PPP2R2B: variants seen among roughly 807,000 people sequenced by gnomAD.
The protein encoded by PPP2R2B is protein phosphatase 2 regulatory subunit Bbeta.
Under a neutral mutation model 46.0 loss-of-function variants are expected in PPP2R2B, and 5 were observed. The observed-to-expected ratio is 0.11, with a 90% confidence interval of 0.06 to 0.23. The LOEUF (loss-of-function observed/expected upper bound fraction) is 0.23. Among genes scored for constraint, PPP2R2B ranks in the 10% least tolerant of loss-of-function variants. The pLI, the probability that PPP2R2B is intolerant of heterozygous loss-of-function variation, is 1.00. For missense variants in PPP2R2B, 367 were observed against 575.0 expected (o/e 0.64, Z 3.70); for synonymous variants, 215 against 206.7 (o/e 1.04, Z -0.34).
At chr5:147,052,618 T>A (rs770281342) in intron 1 of PPP2R2B, among the ~76,000 whole-genome samples, 1 of 152,072 alleles carries the variant, frequency 6.6e-6, no homozygotes, top group Admixed American at 6.5e-5. Context: ...CAAAAGTCTA[T>A]GGTGGAAGGG....
intron 2 of PPP2R2B, among the ~76,000 whole-genome samples, chr5:146,815,009 T>C (rs1437124411): frequency 1.3e-5 from 2 of 152,182 alleles, no homozygotes; most frequent in Admixed American, 1.3e-4. Context: ...TCTGGTAACA[T>C]ACTTTGGTGC....
chr5:146,639,029 T>G (rs1775017717), intron 6 of PPP2R2B, among the ~76,000 whole-genome samples: 1 of 152,222 alleles, frequency 6.6e-6, no homozygotes. Context: ...CTCTATATAA[T>G]TAGCGTTTTC....
intron 2 of PPP2R2B, among the ~76,000 whole-genome samples, chr5:146,770,330 C>CAAAAAAA (rs5871992): frequency 1.5e-4 from 9 of 60,058 alleles, no homozygotes; most frequent in Non-Finnish European, 1.6e-4. Context: ...GATTCCGTCT[C>CAAAAAAA]AAAAAAAAAA....
intron 1 of PPP2R2B, among the ~76,000 whole-genome samples, chr5:147,040,073 C>A (rs1040931992): frequency 6.6e-6 from 1 of 152,104 alleles, no homozygotes; most frequent in Non-Finnish European, 1.5e-5. Flanking sequence ...TTATAAAAAG[C>A]TAAAATTCAT....
chr5:146,907,644 T>C (rs577197), intron 1 of PPP2R2B, among the ~76,000 whole-genome samples: 75,649 of 152,160 alleles, frequency 0.5, 20,944 homozygotes, highest in East Asian at 0.72. Flanking sequence ...GTTCTCTACT[T>C]GGGAGAAACC....
At chr5:147,051,591 A>C (rs1756820855) in intron 1 of PPP2R2B, among the ~76,000 whole-genome samples, 1 of 152,082 alleles carries the variant, frequency 6.6e-6, no homozygotes, top group Admixed American at 6.6e-5. Context: ...AGCACGTGGC[A>C]AGTCACAGTA....
intron 2 of PPP2R2B, chr5:146,707,224 T>G: frequency 6.3e-7 from 1 of 1,581,774 alleles, no homozygotes; most frequent in Non-Finnish European, 8.6e-7. Context: ...CCCAGCCGTC[T>G]TCTGCTGCTG....
rs142949894 is a variant in PPP2R2B at position 146,801,331 on chromosome 5, C to A, written c.70+76671G>T. ...AAAGGGCAGATATTAAGTGTTCTTG[C>A]CATATATACACAGAAAAAGAGGCAA... On this transcript the variant is annotated intron_variant, in intron 2 of 9. Transcript: ENST00000394411. 1.3e-3 allele frequency among the ~76,000 whole-genome samples: 193 copies of A among 152,010 alleles called. 1 individual carries two copies. The highest frequency in any genetic ancestry group is 4.3e-3 in the African/African-American group (179 of 41,476).
chr5:146,751,277 C>T (rs1016073534), intron 2 of PPP2R2B: 2 of 152,284 alleles, frequency 1.3e-5, no homozygotes, highest in Non-Finnish European at 2.9e-5. Context: ...CCGGGCATCA[C>T]AGAACATAGC....
At chr5:147,077,195 T>C (rs1433841267) in intron 2 of PPP2R2B, among the ~76,000 whole-genome samples, 2 of 142,036 alleles carry the variant, frequency 1.4e-5, no homozygotes, top group Admixed American at 7.0e-5. Flanking sequence ...GTATATTATA[T>C]ATTATATATG....
intron 5 of PPP2R2B, among the ~76,000 whole-genome samples, chr5:146,684,965 T>C (rs1322342751): frequency 6.6e-6 from 1 of 152,190 alleles, no homozygotes; most frequent in East Asian, 1.9e-4. Flanking sequence ...GAACCAATGA[T>C]TGAATTCATT....
intron 2 of PPP2R2B, among the ~76,000 whole-genome samples, chr5:146,746,602 C>G (rs1299753900): frequency 6.6e-6 from 1 of 152,212 alleles, no homozygotes; most frequent in Non-Finnish European, 1.5e-5. Flanking sequence ...CTCAATTTCT[C>G]ACTACAATTA....
chr5:146,813,953 C>T (rs1757779678), intron 2 of PPP2R2B, among the ~76,000 whole-genome samples: 1 of 152,158 alleles, frequency 6.6e-6, no homozygotes, highest in Admixed American at 6.5e-5. Context: ...GACAACACCA[C>T]ACTCAGGAGA....
At chr5:146,842,451 A>G (rs1406616945) in intron 2 of PPP2R2B, among the ~76,000 whole-genome samples, 1 of 151,686 alleles carries the variant, frequency 6.6e-6, no homozygotes, top group Non-Finnish European at 1.5e-5. Flanking sequence ...GAAAAAAAAA[A>G]GACATACTTC....
chr5:146,588,305 TC>T lies in PPP2R2B; in HGVS notation c.*1641del, dbSNP rs1284506404. On this transcript the variant is annotated 3_prime_UTR_variant, in exon 10 of 10. Transcript: ENST00000394411. ...GTTTTTACCTAAGGTGACAGTTATT[TC>T]CTTGCCAAAAAGCTATTAGTAAATG... 6.6e-6 allele frequency: 1 copy of T among 152,248 alleles called. No homozygotes were observed. Among genetic ancestry groups the T allele is most frequent in the Non-Finnish European group, 1.5e-5 (1 of 68,036 alleles). 9.4% of individuals were successfully genotyped at this position (152,248 alleles called of 1,614,324 possible).
intron 5 of PPP2R2B, among the ~76,000 whole-genome samples, chr5:146,663,102 C>T (rs1035049219): frequency 1.3e-5 from 2 of 152,128 alleles, no homozygotes; most frequent in African/African-American, 4.8e-5. Flanking sequence ...ACACTCATAA[C>T]AATTTTATGA....
chr5:146,671,536 T>C (rs138256631), intron 5 of PPP2R2B, among the ~76,000 whole-genome samples: 73 of 152,356 alleles, frequency 4.8e-4, no homozygotes, highest in African/African-American at 1.6e-3. Context: ...GACACAGTAG[T>C]GCCTAATACT....
chr5:147,036,530 C>A (rs1756045141), intron 1 of PPP2R2B, among the ~76,000 whole-genome samples: 1 of 152,120 alleles, frequency 6.6e-6, no homozygotes, highest in Admixed American at 6.6e-5. Context: ...GGTATATACC[C>A]AGTAATGGGA....
At chr5:147,023,996 G>A (rs890682956) in intron 1 of PPP2R2B, among the ~76,000 whole-genome samples, 7 of 152,166 alleles carry the variant, frequency 4.6e-5, no homozygotes, top group African/African-American at 1.7e-4. Context: ...TGCACCTGGG[G>A]CTCGGAGTTC....
Sources: gnomAD v4.1 joint callset for allele counts (sites outside exome capture counted in the v4.1 genomes callset) on GRCh38, gnomAD v4.1.1 for gene constraint, MANE v1.5 for transcripts, NCBI Gene and HGNC (gene_info 2026-07-23, HGNC 2026-07-21) for gene names.